Variants in LRCH1 observed in about 807,000 individuals in gnomAD.
LRCH1 encodes the protein leucine rich repeats and calponin homology domain containing 1.
In LRCH1, 23 loss-of-function variants were observed where a neutral mutation model predicts 94.9. That is an observed-to-expected ratio of 0.24 (90% CI 0.17 to 0.34). The LOEUF (loss-of-function observed/expected upper bound fraction) is 0.34. Among genes scored for constraint, LRCH1 ranks in the 10% least tolerant of loss-of-function variants. The probability of loss-of-function intolerance (pLI) is 1.00; values close to 1 mark genes in which losing one functional copy is unlikely to be tolerated. For synonymous variants in LRCH1, 364 were observed against 354.9 expected, an observed-to-expected ratio of 1.03 and a Z score of -0.29; for missense variants, 790 against 945.9, an observed-to-expected ratio of 0.84 and a Z score of 2.16.
chr13:46,706,222 G>A (rs747254367), intron 13 of LRCH1, among the ~76,000 whole-genome samples: 2 of 152,206 alleles, frequency 1.3e-5, no homozygotes, highest in Non-Finnish European at 2.9e-5. Context: ...CTCAAAGACT[G>A]GCTAACTGTG....
At chr13:46,623,693 GT>G (rs5803361) in intron 1 of LRCH1, among the ~76,000 whole-genome samples, 219 of 128,508 alleles carry the variant, frequency 1.7e-3, no homozygotes, top group East Asian at 7.4e-3. Flanking sequence ...CCCTGTCTCT[GT>G]TTTTTTTTTT....
intron 1 of LRCH1, among the ~76,000 whole-genome samples, chr13:46,638,211 A>T (rs973658539): frequency 3.3e-5 from 5 of 152,182 alleles, no homozygotes; most frequent in African/African-American, 1.2e-4. Context: ...GATTCATATA[A>T]AATTTACTTT....
intron 1 of LRCH1, among the ~76,000 whole-genome samples, chr13:46,578,665 A>G (rs1468400565): frequency 6.6e-6 from 1 of 152,194 alleles, no homozygotes; most frequent in Non-Finnish European, 1.5e-5. Flanking sequence ...TCCCTTGAGA[A>G]CTGAAACAGC....
chr13:46,699,109 G>A (rs1203393411), intron 9 of LRCH1, among the ~76,000 whole-genome samples: 3 of 152,224 alleles, frequency 2.0e-5, no homozygotes, highest in African/African-American at 7.2e-5. Context: ...AGGTTTATCT[G>A]TGTGTATGGC....
chr13:46,623,706 TTC>T (rs1491468228), intron 1 of LRCH1, among the ~76,000 whole-genome samples: 1 of 139,514 alleles, frequency 7.2e-6, no homozygotes, highest in Non-Finnish European at 1.6e-5. Flanking sequence ...TTTTTTTTTT[TTC>T]TTTTTCTTTT....
At chr13:46,607,038 G>A (rs1457173596) in intron 1 of LRCH1, among the ~76,000 whole-genome samples, 1 of 152,176 alleles carries the variant, frequency 6.6e-6, no homozygotes, top group Non-Finnish European at 1.5e-5. Flanking sequence ...AGGCAGACTG[G>A]AGGAATCAGC....
intron 1 of LRCH1, among the ~76,000 whole-genome samples, chr13:46,581,703 A>G (rs1371177659): frequency 1.2e-4 from 18 of 152,174 alleles, no homozygotes; most frequent in Non-Finnish European, 2.5e-4. Flanking sequence ...GTCCTTCGCC[A>G]CTTTATATTG....
chr13:46,596,308 T>G (rs866368309), intron 1 of LRCH1, among the ~76,000 whole-genome samples: 12 of 152,306 alleles, frequency 7.9e-5, no homozygotes, highest in Middle Eastern at 6.8e-3. Flanking sequence ...GCCCTAAATA[T>G]TACCTGCTTC....
chr13:46,602,182 T>C (rs547335582), intron 1 of LRCH1, among the ~76,000 whole-genome samples: 26 of 152,346 alleles, frequency 1.7e-4, no homozygotes, highest in Admixed American at 5.2e-4. Context: ...AATGCAACTA[T>C]GTATAGCTGA....
At position 46,693,677 on chromosome 13, in the gene LRCH1, C is replaced by T. The variant is rs1275170766; in HGVS notation, c.1120+1036C>T. Reference sequence around the variant, plus strand: ...TAATAATCATCAAATGACCACTAAACACTGTCTTGTGTGCCTTCAAGATCC... The same window carrying T: ...TAATAATCATCAAATGACCACTAAATACTGTCTTGTGTGCCTTCAAGATCC... On this transcript the variant is annotated intron_variant, in intron 8 of 19. Coordinates refer to ENST00000389797, the MANE Select transcript of LRCH1 (RefSeq NM_001164211.2). 5.3e-5 allele frequency among the ~76,000 whole-genome samples: 8 copies of T among 152,346 alleles called. No homozygotes were observed. In the East Asian group the frequency reaches 9.6e-4, roughly 18 times the overall value.
At chr13:46,580,123 C>A (rs943014935) in intron 1 of LRCH1, among the ~76,000 whole-genome samples, 2 of 152,222 alleles carry the variant, frequency 1.3e-5, no homozygotes, top group African/African-American at 4.8e-5. Flanking sequence ...AGGTCCTCCT[C>A]CTACTGCCTC....
chr13:46,752,234 TA>T (rs1443481648), exon 19 of LRCH1: 1 of 152,282 alleles, frequency 6.6e-6, no homozygotes, highest in Non-Finnish European at 1.5e-5. Context: ...TTAACCTTTC[TA>T]AGTCTTGTGA....
intron 1 of LRCH1, among the ~76,000 whole-genome samples, chr13:46,560,916 C>T (rs1276998453): frequency 2.0e-5 from 3 of 152,118 alleles, no homozygotes; most frequent in Non-Finnish European, 2.9e-5. Flanking sequence ...TAAAGTAATT[C>T]AAAAATAAAG....
At chr13:46,688,510 C>T (rs1196362953) in intron 6 of LRCH1, among the ~76,000 whole-genome samples, 1 of 152,194 alleles carries the variant, frequency 6.6e-6, no homozygotes, top group Admixed American at 6.5e-5. Flanking sequence ...CTTCTTGTGG[C>T]ATAAATCAAG....
Position 46,681,784 on chromosome 13 carries a change from G to A in LRCH1, c.623G>A (p.Gly208Asp). ...NEITALPQQI[G>D]QLKSLRELNV... is the part of the protein sequence containing the mutation. ...ATCACAGCGTTGCCCCAGCAGATAGGTCAGTTGAAATCTCTACGAGAACTG... is the reference window on the plus strand; with the variant it reads ...ATCACAGCGTTGCCCCAGCAGATAGATCAGTTGAAATCTCTACGAGAACTG... The change falls in exon 4 of 20, where the codon GGT (glycine) becomes GAT (aspartate). Residue 208 changes from glycine (G) to aspartate (D), a missense_variant. Coordinates refer to ENST00000389797, the MANE Select transcript of LRCH1 (RefSeq NM_001164211.2). The A allele has an allele frequency of 6.2e-7, 1 of 1,613,938 alleles. No homozygotes were observed. The highest frequency in any genetic ancestry group is 8.5e-7 in the Non-Finnish European group (1 of 1,179,888).
intron 2 of LRCH1, among the ~76,000 whole-genome samples, chr13:46,653,846 A>G (rs1335629275): frequency 6.6e-6 from 1 of 152,126 alleles, no homozygotes; most frequent in African/African-American, 2.4e-5. Flanking sequence ...AAGAAAGAAA[A>G]TAAAATAAAA....
At chr13:46,745,627 T>C (rs572675574), downstream of LRCH1, among the ~76,000 whole-genome samples, 26 of 152,274 alleles carry the variant, frequency 1.7e-4, no homozygotes, top group Admixed American at 1.5e-3. Context: ...CTGTAAGATG[T>C]TGAATGGTCT....
rs112748822 is a variant in LRCH1, at chr13:46,606,717, G to T, written c.308-43484G>T. ...CTCCTGAGTAGTTGGACTTACAGGCGTGGGCCACTACGCTCGGCCAATTTT... is the reference window on the plus strand; with the variant it reads ...CTCCTGAGTAGTTGGACTTACAGGCTTGGGCCACTACGCTCGGCCAATTTT... On this transcript the variant is annotated intron_variant, in intron 1 of 19. Transcript: ENST00000389797. 3.7e-3 allele frequency among the ~76,000 whole-genome samples: 557 copies of T among 152,166 alleles called. 6 individuals are homozygous for T. Among genetic ancestry groups the T allele is most frequent in the African/African-American group, 0.013 (544 of 41,498 alleles).
Position 46,587,022 on chromosome 13 carries a change from C to T in LRCH1, c.307+33319C>T, listed in dbSNP as rs75170227. Among the ~76,000 whole-genome samples, 781 of 152,294 alleles carry T rather than the reference C, an allele frequency of 5.1e-3. 9 individuals are homozygous for T. Among genetic ancestry groups the T allele is most frequent in the African/African-American group, 0.018 (737 of 41,562 alleles). Reference sequence around the variant, plus strand: ...TCAGGAGTGGCTTCTGGCTTAGACCCTGGAGATGCCGTGTGGTTTGCTAAG... The same window carrying T: ...TCAGGAGTGGCTTCTGGCTTAGACCTTGGAGATGCCGTGTGGTTTGCTAAG... On this transcript the variant is annotated intron_variant, in intron 1 of 19. Coordinates refer to ENST00000389797, the MANE Select transcript of LRCH1 (RefSeq NM_001164211.2).
Sources: gnomAD v4.1 joint callset for allele counts (sites outside exome capture counted in the v4.1 genomes callset) on GRCh38, gnomAD v4.1.1 for gene constraint, MANE v1.5 for transcripts, NCBI Gene and HGNC (gene_info 2026-07-23, HGNC 2026-07-21) for gene names.